TRIO: variants seen among roughly 807,000 people sequenced by gnomAD.
TRIO encodes triple functional domain protein.
A neutral mutation model predicts 351.9 loss-of-function variants in TRIO; 58 were observed. That is an observed-to-expected ratio of 0.16 (90% CI 0.13 to 0.21). The LOEUF (loss-of-function observed/expected upper bound fraction) is 0.21. Among genes scored for constraint, TRIO ranks in the 10% least tolerant of loss-of-function variants. The pLI is 1.00. For missense variants in TRIO, 3,201 were observed against 4,027.8 expected (o/e 0.79, Z 5.56); for synonymous variants, 1,758 against 1,595.7 (o/e 1.10, Z -2.42).
intron 40 of TRIO, 65 bp downstream of exon 40, chr5:14,474,162 C>A: frequency 1.3e-6 from 2 of 1,502,462 alleles, no homozygotes; most frequent in Non-Finnish European, 1.8e-6. Flanking sequence ...CCAAGGCAGG[C>A]CAGGCCAAAG....
chr5:14,365,668 G>C (rs1024685316), intron 15 of TRIO, among the ~76,000 whole-genome samples: 1 of 152,210 alleles, frequency 6.6e-6, no homozygotes, highest in Non-Finnish European at 1.5e-5. Context: ...TATCCCTTAG[G>C]ATTCACCTTT....
intron 47 of TRIO, among the ~76,000 whole-genome samples, chr5:14,486,242 A>G (rs1255063359): frequency 1.3e-5 from 2 of 152,218 alleles, no homozygotes; most frequent in Admixed American, 6.5e-5. Flanking sequence ...GTTCGTATTC[A>G]CGGTCTGCAT....
chr5:14,447,489 C>T (rs1752526340), intron 34 of TRIO, among the ~76,000 whole-genome samples: 1 of 152,042 alleles, frequency 6.6e-6, no homozygotes, highest in Admixed American at 6.5e-5. Flanking sequence ...AATCATTCAC[C>T]TCCTGAAATA....
intron 13 of TRIO, 124 bp downstream of exon 13, chr5:14,359,655 C>T: frequency 1.7e-6 from 2 of 1,161,474 alleles, no homozygotes; most frequent in Non-Finnish European, 2.4e-6. Context: ...CAACCCTCTG[C>T]ACCAGGAGGG....
intron 9 of TRIO, among the ~76,000 whole-genome samples, chr5:14,322,846 T>G (rs1740009284): frequency 6.6e-6 from 1 of 152,206 alleles, no homozygotes; most frequent in Admixed American, 6.5e-5. Context: ...AGTTCTCTAT[T>G]AGAATTAGGG....
At chr5:14,385,740 A>G (rs1746486547) in intron 21 of TRIO, among the ~76,000 whole-genome samples, 1 of 152,232 alleles carries the variant, frequency 6.6e-6, no homozygotes, top group Non-Finnish European at 1.5e-5. Context: ...GCAAGTAAAA[A>G]TATACTGAGA....
intron 7 of TRIO, among the ~76,000 whole-genome samples, chr5:14,301,267 A>T (rs1400115680): frequency 6.6e-6 from 1 of 151,902 alleles, no homozygotes; most frequent in East Asian, 1.9e-4. Flanking sequence ...ATTCAGCAAC[A>T]CTTTCTTAAT....
chr5:14,481,771 C>CTTTTTTTTTTTTTTTTTTTTTT (rs34046917), intron 45 of TRIO, 153 bp downstream of exon 45: 2 of 177,830 alleles, frequency 1.1e-5, no homozygotes, highest in African/African-American at 4.1e-5. Context: ...ATTTTATTTC[C>CTTTTTTTTTTTTTTTTTTTTTT]TTTTTTTTTT....
intron 1 of TRIO, among the ~76,000 whole-genome samples, chr5:14,172,348 T>G (rs1789148516): frequency 6.6e-6 from 1 of 152,170 alleles, no homozygotes; most frequent in Admixed American, 6.5e-5. Context: ...TTGGTTGAAA[T>G]TGACTAAAGT....
chr5:14,283,652 A>G (rs1459515764), intron 3 of TRIO, among the ~76,000 whole-genome samples: 1 of 152,058 alleles, frequency 6.6e-6, no homozygotes, highest in Non-Finnish European at 1.5e-5. Context: ...TTTCTTCTGC[A>G]TGCTTTCTAG....
chr5:14,315,025 A>G (rs1381866243), intron 8 of TRIO, among the ~76,000 whole-genome samples: 1 of 152,208 alleles, frequency 6.6e-6, no homozygotes, highest in African/African-American at 2.4e-5. Flanking sequence ...TCTCAAATTC[A>G]GGTATTGAAA....
intron 4 of TRIO, among the ~76,000 whole-genome samples, chr5:14,287,987 T>G (rs1736588693): frequency 6.6e-6 from 1 of 152,212 alleles, no homozygotes; most frequent in East Asian, 1.9e-4. Context: ...GTGTATTACT[T>G]GGATTTTTAA....
At chr5:14,471,213 A>G (rs746827913) in intron 37 of TRIO, 105 bp from the exon 38 acceptor site, 17 of 1,345,474 alleles carry the variant, frequency 1.3e-5, no homozygotes, top group Non-Finnish European at 1.6e-5. Flanking sequence ...TAATTTCACA[A>G]ATACATTTTC....
chr5:14,420,131 G>A, intron 34 of TRIO, 110 bp downstream of exon 34: 3 of 1,494,728 alleles, frequency 2.0e-6, no homozygotes, highest in Non-Finnish European at 2.7e-6. Flanking sequence ...CTTGTCAGCT[G>A]TGCCTTCAGC....
Position 14,397,069 on chromosome 5 carries a change from A to G in TRIO, c.4338A>G (p.Gly1446=). Residue 1446 remains glycine, a synonymous_variant, in exon 29 of 57, where the codon GGA becomes GGG. Transcript: ENST00000344204. ...AGCTGCTGACGTGCTGTGAGGAAGG[A>G]AAGGGAGAGATTAAAGATGGCCTGG... The part of the protein sequence containing the change: ...LKELLTCCEE[G]KGEIKDGLEV... The G allele has an allele frequency of 6.2e-7, 1 of 1,608,468 alleles. No individual in the cohort carries two copies. The highest frequency in any genetic ancestry group is 8.5e-7 in the Non-Finnish European group (1 of 1,178,248).
intron 47 of TRIO, 92 bp from the exon 48 acceptor site, chr5:14,487,372 G>T: frequency 9.4e-7 from 1 of 1,066,872 alleles, no homozygotes; most frequent in South Asian, 3.5e-5. Context: ...TCTGCCCCAT[G>T]ACCCATCCCA....
Position 14,401,032 on chromosome 5 carries a change from A to G in TRIO, c.4684A>G (p.Thr1562Ala). The change falls in exon 31 of 57, where the codon ACA becomes GCA. Residue 1562 changes from threonine to alanine, a missense_variant. By Grantham distance (58) the Thr-to-Ala change is moderately conservative. Coordinates refer to ENST00000344204, the MANE Select transcript of TRIO (RefSeq NM_007118.4). ...PCKFALWVGR[T>A]PTSDNKIVLK... ...CAAATTTGCACTGTGGGTGGGGAGA[A>G]CACCAACTTCAGATAATAAAATTGT... is the stretch of plus-strand genomic sequence containing the variant. 1 of 1,614,092 alleles carries G rather than the reference A, an allele frequency of 6.2e-7. No homozygotes were observed. Among genetic ancestry groups the G allele is most frequent in the Non-Finnish European group, 8.5e-7 (1 of 1,180,014 alleles).
chr5:14,176,457 G>T (rs1057094292), intron 1 of TRIO, among the ~76,000 whole-genome samples: 1 of 152,028 alleles, frequency 6.6e-6, no homozygotes, highest in African/African-American at 2.4e-5. Flanking sequence ...GTGACACAGC[G>T]AGACTCTGTC....
chr5:14,184,840 C>T (rs745594749), intron 1 of TRIO, among the ~76,000 whole-genome samples: 23 of 152,230 alleles, frequency 1.5e-4, no homozygotes, highest in Non-Finnish European at 2.9e-4. Context: ...GCTGTGCTTC[C>T]CTCCTGGCGT....
Sources: allele counts gnomAD v4.1 joint callset (sites outside exome capture counted in the v4.1 genomes callset), GRCh38; gene constraint gnomAD v4.1.1; transcripts MANE v1.5; gene names NCBI Gene and HGNC (gene_info 2026-07-23, HGNC 2026-07-21).